The following GPBP1 variants were observed in gnomAD, a reference collection of about 807,000 sequenced individuals.
GPBP1 encodes the protein vasculin.
GPBP1 carries 13 observed loss-of-function variants against 56.5 expected under a neutral mutation model. That is an observed-to-expected ratio of 0.23 (90% confidence interval 0.15 to 0.37). The LOEUF (loss-of-function observed/expected upper bound fraction) is 0.37. GPBP1 is among the 10% of genes least tolerant of loss of function. The pLI is 1.00. For synonymous variants in GPBP1, 204 were observed against 188.9 expected, an observed-to-expected ratio of 1.08 and a Z score of -0.66; for missense variants, 477 against 572.3, an observed-to-expected ratio of 0.83 and a Z score of 1.70.
rs370733028 is a variant in GPBP1 at position 57,244,477 on chromosome 5, G to C, written c.479-1823G>C. Among the ~76,000 whole-genome samples the C allele has an allele frequency of 3.0e-4, 46 of 152,278 alleles. No individual in the cohort carries two copies. The South Asian group carries it at 8.9e-3, about 30-fold the overall frequency. ...TAGTATAGTGATAGAACTGCCCCCTGCTTTAACACCTGGATTCCTCTCAGA... is the reference window on the plus strand; with the variant it reads ...TAGTATAGTGATAGAACTGCCCCCTCCTTTAACACCTGGATTCCTCTCAGA... On this transcript the variant is annotated intron_variant, in intron 6 of 11. Coordinates refer to ENST00000506184, the MANE Select transcript of GPBP1 (RefSeq NM_022913.4).
At chr5:57,199,219 T>C (rs1754893117) in intron 2 of GPBP1, among the ~76,000 whole-genome samples, 1 of 152,222 alleles carries the variant, frequency 6.6e-6, no homozygotes, top group East Asian at 1.9e-4. Flanking sequence ...AAACTAGCGA[T>C]ATTCTTGTTT....
intron 2 of GPBP1, among the ~76,000 whole-genome samples, chr5:57,186,900 G>A (rs572110169): frequency 1.6e-4 from 24 of 151,888 alleles, no homozygotes; most frequent in Non-Finnish European, 2.6e-4. Context: ...TAAATGTCCA[G>A]TTGTGCAAGT....
At chr5:57,187,048 TTGTA>T (rs1277501683) in intron 2 of GPBP1, among the ~76,000 whole-genome samples, 15 of 147,838 alleles carry the variant, frequency 1.0e-4, no homozygotes, top group African/African-American at 3.5e-4. Context: ...GTATGTATGT[TTGTA>T]TGTATTATGC....
intron 8 of GPBP1, 103 bp downstream of exon 8, chr5:57,247,318 G>T: frequency 1.0e-6 from 1 of 953,636 alleles, no homozygotes. Context: ...ATTAAAATGA[G>T]TTTCATTCCT....
chr5:57,237,681 C>A (rs1740601900), intron 6 of GPBP1, among the ~76,000 whole-genome samples: 1 of 152,154 alleles, frequency 6.6e-6, no homozygotes, highest in African/African-American at 2.4e-5. Context: ...ATTCCTCTCT[C>A]ACTTTCCCCC....
chr5:57,181,133 A>G (rs935308869), intron 2 of GPBP1, among the ~76,000 whole-genome samples: 2 of 152,216 alleles, frequency 1.3e-5, no homozygotes, highest in Non-Finnish European at 2.9e-5. Flanking sequence ...TAGGAGTTCG[A>G]GACTAGCCTG....
At chr5:57,221,280 C>A in intron 3 of GPBP1, 1 of 741,618 alleles carries the variant, frequency 1.3e-6, no homozygotes, top group Non-Finnish European at 2.1e-6. Context: ...ATTTTATATA[C>A]CTGTGGCGCA....
At position 57,190,694 on chromosome 5, in the gene GPBP1, CTTTTTTTTTTTTT is replaced by C. The variant is rs773540051; in HGVS notation, c.-58+14310_-58+14322del. Among the ~76,000 whole-genome samples the C allele has an allele frequency of 4.9e-4, 34 of 68,868 alleles. 1 individual carries two copies. The East Asian group carries it at 0.01, about 21-fold the overall frequency. 45.2% of individuals were successfully genotyped at this position (68,868 alleles called of 152,430 possible). A position where few individuals can be genotyped will look rare whatever the true frequency, so the allele number is the denominator to read the frequency against. On this transcript the variant is annotated intron_variant, in intron 2 of 11. Coordinates refer to ENST00000506184, the MANE Select transcript of GPBP1 (RefSeq NM_022913.4). Reference sequence around the variant, plus strand: ...AGACTGGCTTTGGATTTGCTGTTAGCTTTTTTTTTTTTTTTTTTTTTTTTTTTTCCTGAGACAA... The same window carrying C: ...AGACTGGCTTTGGATTTGCTGTTAGCTTTTTTTTTTTTTTTCCTGAGACAA...
chr5:57,244,952 G>GT (rs1157912165), intron 6 of GPBP1, among the ~76,000 whole-genome samples: 1 of 152,102 alleles, frequency 6.6e-6, no homozygotes, highest in African/African-American at 2.4e-5. Context: ...TGGCCAGGCT[G>GT]TTCTTGAGCT....
At chr5:57,230,639 A>T (rs1391199103) in intron 3 of GPBP1, 2 of 563,524 alleles carry the variant, frequency 3.5e-6, no homozygotes, top group East Asian at 6.1e-5. Flanking sequence ...CTCTAAGCAC[A>T]TGTGCTTGTT....
intron 11 of GPBP1, among the ~76,000 whole-genome samples, chr5:57,262,177 GTA>G (rs1355512437): frequency 6.6e-6 from 1 of 152,120 alleles, no homozygotes; most frequent in African/African-American, 2.4e-5. Flanking sequence ...ATAGAGAACT[GTA>G]TTTTTTCTAG....
rs1580069795 is a variant in GPBP1, at chr5:57,246,153, T to C, written c.479-147T>C. On this transcript the variant is annotated intron_variant, in intron 6 of 11. Transcript: ENST00000506184. The stretch of plus-strand genomic sequence containing the variant: ...ACTTGTTCAATTGGAATATAGTTTG[T>C]ACTTTTTTAGTTTAGTTATTTTACC... 1.6e-5 allele frequency: 9 copies of C among 549,052 alleles called. No individual in the cohort carries two copies. In the East Asian group the frequency reaches 2.5e-4, roughly 15 times the overall value. 34.0% of individuals were successfully genotyped at this position (549,052 alleles called of 1,614,324 possible).
chr5:57,255,057 A>G (rs1741592064), intron 10 of GPBP1, among the ~76,000 whole-genome samples: 1 of 152,188 alleles, frequency 6.6e-6, no homozygotes, highest in Non-Finnish European at 1.5e-5. Context: ...GATATTTCAG[A>G]ATTTTTTTGA....
intron 2 of GPBP1, among the ~76,000 whole-genome samples, chr5:57,182,468 G>A (rs186992163): frequency 1.1e-4 from 17 of 151,888 alleles, no homozygotes; most frequent in Non-Finnish European, 1.9e-4. Flanking sequence ...CAACTCCCGG[G>A]TTCAAGTGAT....
At chr5:57,213,996 G>A in intron 2 of GPBP1, 78 bp from the exon 3 acceptor site, 1 of 666,698 alleles carries the variant, frequency 1.5e-6, no homozygotes, top group African/African-American at 1.8e-5. Flanking sequence ...GTAGTAAGTA[G>A]TAAGATCATT....
intron 10 of GPBP1, among the ~76,000 whole-genome samples, chr5:57,256,122 GGC>G (rs1741646156): frequency 6.6e-6 from 1 of 152,130 alleles, no homozygotes; most frequent in Non-Finnish European, 1.5e-5. Context: ...TAGGCGTGGT[GGC>G]GTGTTCCTGT....
intron 2 of GPBP1, among the ~76,000 whole-genome samples, chr5:57,183,433 A>C (rs912824465): frequency 6.6e-6 from 1 of 152,068 alleles, no homozygotes; most frequent in African/African-American, 2.4e-5. Flanking sequence ...CTTTCTCCGA[A>C]ACTGAGAATC....
intron 2 of GPBP1, among the ~76,000 whole-genome samples, chr5:57,183,431 GA>G (rs779581908): frequency 2.9e-4 from 44 of 152,142 alleles, no homozygotes; most frequent in Non-Finnish European, 5.7e-4. Context: ...TCCTTTCTCC[GA>G]AACTGAGAAT....
At chr5:57,262,490 GT>G in intron 11 of GPBP1, 103 bp from the exon 12 acceptor site, 3 of 839,186 alleles carry the variant, frequency 3.6e-6, no homozygotes, top group African/African-American at 1.7e-5. Context: ...TACTTGTGTA[GT>G]TTTTGGGTTA....
Sources: allele counts gnomAD v4.1 joint callset (sites outside exome capture counted in the v4.1 genomes callset), GRCh38; gene constraint gnomAD v4.1.1; transcripts MANE v1.5; gene names NCBI Gene and HGNC (gene_info 2026-07-23, HGNC 2026-07-21).